THRB: variants seen among roughly 807,000 people sequenced by gnomAD.
THRB encodes thyroid hormone receptor beta, also known as nuclear receptor subfamily 1 group A member 2.
THRB carries 12 observed loss-of-function variants against 47.8 expected under a neutral mutation model. That is an observed-to-expected ratio of 0.25 (90% CI 0.16 to 0.41). The LOEUF is 0.41. Among genes scored for constraint, THRB ranks in the 10% least tolerant of loss-of-function variants. The probability of loss-of-function intolerance (pLI) is 1.00; values close to 1 mark genes in which losing one functional copy is unlikely to be tolerated. For missense variants in THRB, 348 were observed against 589.2 expected (o/e 0.59, Z 4.24); for synonymous variants, 218 against 212.2 (o/e 1.03, Z -0.24).
At chr3:24,431,726 C>T (rs780867393) in intron 1 of THRB, among the ~76,000 whole-genome samples, 3 of 151,946 alleles carry the variant, frequency 2.0e-5, no homozygotes, top group Non-Finnish European at 4.4e-5. Context: ...GTAAACTCTG[C>T]AAAGAGGAAA....
intron 1 of THRB, among the ~76,000 whole-genome samples, chr3:24,475,691 C>G (rs534644733): frequency 1.3e-5 from 2 of 152,118 alleles, no homozygotes; most frequent in African/African-American, 4.8e-5. Context: ...GGCGAGAACA[C>G]CAGGTATCTC....
At chr3:24,392,876 A>G (rs1395639272) in intron 1 of THRB, among the ~76,000 whole-genome samples, 2 of 152,156 alleles carry the variant, frequency 1.3e-5, no homozygotes, top group African/African-American at 4.8e-5. Context: ...GATATGGGGA[A>G]TAAGTACTTT....
intron 1 of THRB, among the ~76,000 whole-genome samples, chr3:24,409,239 A>T (rs2068078725): frequency 6.6e-6 from 1 of 151,872 alleles, no homozygotes; most frequent in African/African-American, 2.4e-5. Flanking sequence ...CCCCACTGTA[A>T]GTTAAATTTG....
intron 1 of THRB, among the ~76,000 whole-genome samples, chr3:24,467,232 C>T (rs1376571403): frequency 1.3e-5 from 2 of 152,230 alleles, no homozygotes; most frequent in African/African-American, 4.8e-5. Flanking sequence ...GTCACATATT[C>T]AGGCTCCACT....
chr3:24,398,570 A>G (rs1262039840), intron 1 of THRB, among the ~76,000 whole-genome samples: 4 of 152,182 alleles, frequency 2.6e-5, no homozygotes, highest in Non-Finnish European at 2.9e-5. Context: ...TTAAAAAGTC[A>G]GGAAACAACA....
At chr3:24,161,607 A>G (rs2038827184) in intron 5 of THRB, among the ~76,000 whole-genome samples, 2 of 107,356 alleles carry the variant, frequency 1.9e-5, no homozygotes, top group Admixed American at 2.0e-4. Flanking sequence ...TGGAGTCAAC[A>G]GAGCTACAGA....
At chr3:24,393,058 C>T (rs1053765936) in intron 1 of THRB, among the ~76,000 whole-genome samples, 2 of 152,094 alleles carry the variant, frequency 1.3e-5, no homozygotes, top group African/African-American at 4.8e-5. Flanking sequence ...ATCAAGCAGA[C>T]TTCTGAGTTT....
intron 9 of THRB, among the ~76,000 whole-genome samples, chr3:24,130,674 C>T (rs2033714118): frequency 6.6e-6 from 1 of 152,112 alleles, no homozygotes; most frequent in African/African-American, 2.4e-5. Flanking sequence ...GGAAACAAGC[C>T]CTTCGGTGCA....
intron 1 of THRB, among the ~76,000 whole-genome samples, chr3:24,370,367 G>C (rs2064815245): frequency 6.6e-6 from 1 of 151,988 alleles, no homozygotes; most frequent in Admixed American, 6.6e-5. Context: ...TTACTTCATA[G>C]CACCGTGGGG....
At chr3:24,443,107 G>C (rs1459559885) in intron 1 of THRB, among the ~76,000 whole-genome samples, 2 of 151,644 alleles carry the variant, frequency 1.3e-5, no homozygotes, top group Non-Finnish European at 2.9e-5. Context: ...GCTTGAACCT[G>C]GGAGGCAGAG....
At chr3:24,273,905 T>G (rs2053619335) in intron 3 of THRB, among the ~76,000 whole-genome samples, 1 of 152,176 alleles carries the variant, frequency 6.6e-6, no homozygotes, top group Admixed American at 6.5e-5. Flanking sequence ...ACCAACCATA[T>G]TTTCTCAGAA....
chr3:24,350,262 T>C (rs545279679), intron 1 of THRB, among the ~76,000 whole-genome samples: 1 of 152,206 alleles, frequency 6.6e-6, no homozygotes, highest in South Asian at 2.1e-4. Context: ...TCTCATACAC[T>C]GTTGGTGAAG....
intron 5 of THRB, chr3:24,165,448 C>G (rs2039519002): frequency 1.5e-6 from 1 of 670,758 alleles, no homozygotes; most frequent in Non-Finnish European, 2.7e-6. Flanking sequence ...GGCATATACG[C>G]AGAGAAGCAT....
At chr3:24,460,047 C>G in intron 1 of THRB, among the ~76,000 whole-genome samples, 1 of 152,028 alleles carries the variant, frequency 6.6e-6, no homozygotes, top group Non-Finnish European at 1.5e-5. Flanking sequence ...AATGTTTTAC[C>G]TGCTGTCCTC....
intron 2 of THRB, among the ~76,000 whole-genome samples, chr3:24,308,469 ATAAAG>A (rs1231808141): frequency 2.0e-5 from 3 of 152,230 alleles, no homozygotes; most frequent in Non-Finnish European, 2.9e-5. Flanking sequence ...GTTTTGAAAT[ATAAAG>A]TAGAGTAGGT....
chr3:24,179,060 T>C (rs866370977), intron 5 of THRB, among the ~76,000 whole-genome samples: 3 of 152,282 alleles, frequency 2.0e-5, no homozygotes, highest in Middle Eastern at 6.8e-3. Context: ...GATCCTGGCC[T>C]GGATCCCAGA....
intron 4 of THRB, among the ~76,000 whole-genome samples, chr3:24,192,455 A>C (rs1289196676): frequency 6.6e-6 from 1 of 152,226 alleles, no homozygotes; most frequent in Non-Finnish European, 1.5e-5. Flanking sequence ...AAATAAGGTT[A>C]AAGTTCTCAA....
intron 3 of THRB, among the ~76,000 whole-genome samples, chr3:24,243,437 G>A (rs983277028): frequency 1.3e-5 from 2 of 151,854 alleles, no homozygotes; most frequent in South Asian, 2.1e-4. Flanking sequence ...TTCCTCGAAC[G>A]TGTCATATGT....
chr3:24,151,511 G>T (rs2036935191), intron 6 of THRB, among the ~76,000 whole-genome samples: 1 of 152,166 alleles, frequency 6.6e-6, no homozygotes. Flanking sequence ...AGGTAAAAAA[G>T]ACAAGGTATT....
Sources: gnomAD v4.1 joint callset for allele counts (sites outside exome capture counted in the v4.1 genomes callset) on GRCh38, gnomAD v4.1.1 for gene constraint, MANE v1.5 for transcripts, NCBI Gene and HGNC (gene_info 2026-07-23, HGNC 2026-07-21) for gene names.